Variants in FAM184A observed in about 807,000 individuals in gnomAD.
The protein encoded by FAM184A is family with sequence similarity 184 member A.
In FAM184A, 99 loss-of-function variants were observed where a neutral mutation model predicts 143.8. The observed-to-expected ratio is 0.69, with a 90% CI of 0.58 to 0.81. The LOEUF (loss-of-function observed/expected upper bound fraction) is 0.81, where lower values mean the gene tolerates loss of function less well. FAM184A is among the 40% of genes least tolerant of loss of function. The pLI is 0.00. For missense variants in FAM184A, 1,217 were observed against 1,310.5 expected (o/e 0.93, Z 1.10); for synonymous variants, 427 against 446.4 (o/e 0.96, Z 0.55).
At chr6:119,091,063 A>G (rs1788350559) in intron 1 of FAM184A, among the ~76,000 whole-genome samples, 1 of 152,234 alleles carries the variant, frequency 6.6e-6, no homozygotes, top group African/African-American at 2.4e-5. Context: ...TTTGGCATAA[A>G]GAGCCAAAGT....
intron 1 of FAM184A, among the ~76,000 whole-genome samples, chr6:119,118,323 A>G (rs1789116191): frequency 6.6e-6 from 1 of 152,248 alleles, no homozygotes; most frequent in African/African-American, 2.4e-5. Context: ...TCAGTATTAA[A>G]TAAGACAATA....
At chr6:118,985,849 A>G (rs1784175384) in intron 9 of FAM184A, among the ~76,000 whole-genome samples, 1 of 152,240 alleles carries the variant, frequency 6.6e-6, no homozygotes, top group Admixed American at 6.5e-5. Context: ...ACCTAGGCTT[A>G]GTAGAGGACA....
At chr6:119,141,341 TCTTC>T (rs1290105300) in intron 1 of FAM184A, among the ~76,000 whole-genome samples, 1 of 152,242 alleles carries the variant, frequency 6.6e-6, no homozygotes, top group Non-Finnish European at 1.5e-5. Context: ...GTTTGTCACT[TCTTC>T]CTTCTGGCTG....
chr6:119,110,093 C>T (rs987044301), intron 1 of FAM184A, among the ~76,000 whole-genome samples: 7 of 152,100 alleles, frequency 4.6e-5, no homozygotes, highest in East Asian at 3.9e-4. Flanking sequence ...ATATTTTTCT[C>T]GCATAACAGG....
At chr6:119,077,882 C>T (rs959683167) in intron 1 of FAM184A, among the ~76,000 whole-genome samples, 4 of 152,266 alleles carry the variant, frequency 2.6e-5, no homozygotes, top group African/African-American at 9.6e-5. Flanking sequence ...CTAATTTGTT[C>T]TGTGCTGGTT....
chr6:119,130,107 T>C (rs1329709991), intron 1 of FAM184A, among the ~76,000 whole-genome samples: 1 of 152,122 alleles, frequency 6.6e-6, no homozygotes, highest in Non-Finnish European at 1.5e-5. Context: ...ATGAGTCATA[T>C]ATTTTTCCAT....
chr6:119,081,523 C>T (rs1354364118), upstream of FAM184A, among the ~76,000 whole-genome samples: 1 of 152,156 alleles, frequency 6.6e-6, no homozygotes, highest in African/African-American at 2.4e-5. Flanking sequence ...CTGTAGGTGG[C>T]TTGTGTTAGC....
intron 9 of FAM184A, among the ~76,000 whole-genome samples, chr6:118,987,495 T>TA (rs1391000058): frequency 1.3e-5 from 2 of 152,216 alleles, no homozygotes; most frequent in Non-Finnish European, 2.9e-5. Flanking sequence ...AATGGAATAT[T>TA]ATTTTGAAGA....
intron 1 of FAM184A, among the ~76,000 whole-genome samples, chr6:119,072,991 T>A (rs1484991632): frequency 6.6e-6 from 1 of 152,194 alleles, no homozygotes; most frequent in South Asian, 2.1e-4. Context: ...TTTGGTACTA[T>A]GTGCAAACCA....
At chr6:119,004,198 C>G (rs1370254082) in intron 7 of FAM184A, among the ~76,000 whole-genome samples, 2 of 152,154 alleles carry the variant, frequency 1.3e-5, no homozygotes, top group African/African-American at 4.8e-5. Flanking sequence ...CTCTGTGGAG[C>G]CTGGGGATAG....
intron 1 of FAM184A, among the ~76,000 whole-genome samples, chr6:119,116,633 G>A (rs961865990): frequency 1.3e-5 from 2 of 152,166 alleles, no homozygotes; most frequent in Admixed American, 6.5e-5. Flanking sequence ...ATTACAAGGC[G>A]ATAAATGTCC....
intron 1 of FAM184A, chr6:119,025,711 G>A (rs967354437): frequency 1.7e-5 from 8 of 468,088 alleles, no homozygotes; most frequent in Admixed American, 2.5e-5. Context: ...TGTTATTTAA[G>A]GCTTTGAGAT....
At chr6:119,113,035 G>A (rs1481154759) in intron 1 of FAM184A, among the ~76,000 whole-genome samples, 1 of 150,862 alleles carries the variant, frequency 6.6e-6, no homozygotes, top group African/African-American at 2.4e-5. Context: ...AGTGTAGTTG[G>A]CTGCCAGTCC....
chr6:118,999,317 T>C (rs1784676917), intron 9 of FAM184A, among the ~76,000 whole-genome samples: 1 of 152,136 alleles, frequency 6.6e-6, no homozygotes, highest in Non-Finnish European at 1.5e-5. Context: ...ATATTAAGCT[T>C]CCTAAAATAA....
rs1461878988 is a variant in FAM184A, at chr6:118,960,072, G to GC, written c.*30_*31insG. 6.4e-7 allele frequency: 1 copy of GC among 1,558,104 alleles called. No homozygotes were observed. Among genetic ancestry groups the GC allele is most frequent in the Non-Finnish European group, 8.8e-7 (1 of 1,131,548 alleles). On this transcript the variant is annotated 3_prime_UTR_variant, in exon 18 of 18. Coordinates refer to ENST00000338891, the MANE Select transcript of FAM184A (RefSeq NM_024581.6). The stretch of plus-strand genomic sequence containing the variant: ...GTATAAAGTCATGCTCTTAGTAACA[G>GC]TCTATACAGAGCTGTGCCAACACAA...
intron 14 of FAM184A, 145 bp from the exon 15 acceptor site, chr6:118,967,097 A>C (rs1783525030): frequency 2.0e-6 from 1 of 511,164 alleles, no homozygotes; most frequent in African/African-American, 2.0e-5. Flanking sequence ...AAGCATAATG[A>C]CATGACTGCT....
chr6:119,063,260 ATT>A (rs1209814751), intron 1 of FAM184A, among the ~76,000 whole-genome samples: 53 of 152,224 alleles, frequency 3.5e-4, no homozygotes, highest in Non-Finnish European at 6.0e-4. Context: ...TTGCTGTAAA[ATT>A]TGTGTTGTTT....
chr6:119,120,380 C>T (rs1323561456), intron 1 of FAM184A, among the ~76,000 whole-genome samples: 1 of 152,244 alleles, frequency 6.6e-6, no homozygotes, highest in East Asian at 1.9e-4. Flanking sequence ...ATTGTATAGA[C>T]ACACTACATA....
At chr6:118,967,653 G>C (rs527880845) in intron 14 of FAM184A, among the ~76,000 whole-genome samples, 1 of 152,262 alleles carries the variant, frequency 6.6e-6, no homozygotes, top group African/African-American at 2.4e-5. Flanking sequence ...ACATCCTGCT[G>C]AGTCTAAGAA....
Sources: allele counts gnomAD v4.1 joint callset (sites outside exome capture counted in the v4.1 genomes callset), GRCh38; gene constraint gnomAD v4.1.1; transcripts MANE v1.5; gene names NCBI Gene and HGNC (gene_info 2026-07-23, HGNC 2026-07-21).